Variants in PPP2R1A observed in about 807,000 individuals in gnomAD.
The protein encoded by PPP2R1A is serine/threonine-protein phosphatase 2A 65 kDa regulatory subunit A alpha isoform.
PPP2R1A carries 15 observed loss-of-function variants against 67.1 expected under a neutral mutation model. The ratio of observed to expected loss-of-function variants is 0.22; its 90% CI spans 0.15 to 0.34. PPP2R1A has a LOEUF of 0.34. Ranked by LOEUF, PPP2R1A falls within the 10% of genes least tolerant of loss-of-function variation. The probability of loss-of-function intolerance (pLI) is 1.00; values close to 1 mark genes in which losing one functional copy is unlikely to be tolerated. For synonymous variants in PPP2R1A, 337 were observed against 325.0 expected (o/e 1.04, Z -0.40); for missense variants, 369 against 775.0 (o/e 0.48, Z 6.22).
chr19:52,205,332 C>A (rs1430640452), intron 2 of PPP2R1A, among the ~76,000 whole-genome samples: 1 of 152,112 alleles, frequency 6.6e-6, no homozygotes, highest in African/African-American at 2.4e-5. Context: ...TTTCAGCAAA[C>A]CTGAATTGCT....
At chr19:52,190,208 G>A (rs1369648710) in intron 1 of PPP2R1A, 34 bp downstream of exon 1, 1 of 1,546,778 alleles carries the variant, frequency 6.5e-7, no homozygotes, top group Admixed American at 2.0e-5. Context: ...GGGAAGACGC[G>A]GAGGGGTACC....
rs1024997158 is a variant in PPP2R1A, at chr19:52,212,172, A to G, written c.504-514A>G. 6.6e-5 allele frequency among the ~76,000 whole-genome samples: 10 copies of G among 152,218 alleles called. No individual in the cohort carries two copies. The highest frequency in any genetic ancestry group is 2.4e-4 in the African/African-American group (10 of 41,542). The stretch of plus-strand genomic sequence containing the variant: ...GCAGTCATAGCCCACTGCAGCCTCA[A>G]CCTCCTGGGCTCAAGCATTCCTCCT... On this transcript the variant is annotated intron_variant, in intron 4 of 14. Transcript: ENST00000322088. This position sits in a 1 kb window ranked among gnomAD's most constrained non-coding sequence, Gnocchi z 4.1.
rs575466428 is a variant in PPP2R1A, at chr19:52,216,854, G to A, written c.1128+191G>A. 3.9e-5 allele frequency among the ~76,000 whole-genome samples: 6 copies of A among 152,292 alleles called. No homozygotes were observed. In the East Asian group the frequency reaches 1.2e-3, roughly 30 times the overall value. On this transcript the variant is annotated intron_variant, in intron 9 of 14. Coordinates refer to ENST00000322088, the MANE Select transcript of PPP2R1A (RefSeq NM_014225.6). The surrounding 1 kb of genome is among the most constrained non-coding windows in gnomAD (Gnocchi z 4.3). ...CATTCCTCCAGGCACTCTTCATGAG[G>A]CCTTTCCTGGACATGGAGGATATGA...
chr19:52,215,019 C>T (rs1371096524), intron 6 of PPP2R1A, among the ~76,000 whole-genome samples: 1 of 152,166 alleles, frequency 6.6e-6, no homozygotes, highest in African/African-American at 2.4e-5. Context: ...AGCCACTACG[C>T]CCAGCCCTAG....
Position 52,212,411 on chromosome 19 carries a change from T to C in PPP2R1A, c.504-275T>C, listed in dbSNP as rs1159431381. The C allele has an allele frequency of 2.2e-6, 1 of 450,824 alleles. No individual in the cohort carries two copies. The highest frequency in any genetic ancestry group is 4.0e-6 in the Non-Finnish European group (1 of 251,568). 27.9% of individuals were successfully genotyped at this position (450,824 alleles called of 1,614,324 possible). The stretch of plus-strand genomic sequence containing the variant: ...GTTGGTTAAGCAATTTTTATGGGAA[T>C]GATGTAATCGTCAGCACTTAGCATT... On this transcript the variant is annotated intron_variant, in intron 4 of 14. Coordinates refer to ENST00000322088, the MANE Select transcript of PPP2R1A (RefSeq NM_014225.6). The surrounding 1 kb of genome is among the most constrained non-coding windows in gnomAD (Gnocchi z 4.1).
chr19:52,226,642 T>C lies in PPP2R1A; in HGVS notation c.*661T>C. On this transcript the variant is annotated 3_prime_UTR_variant, in exon 15 of 15. Coordinates refer to ENST00000322088, the MANE Select transcript of PPP2R1A (RefSeq NM_014225.6). ...CTGTAGTGCAGTTCAGATTCATAGA[T>C]GTCGGCCGAGTATTTGGGGGGTTAA... 1 of 180,098 alleles carries C rather than the reference T, an allele frequency of 5.6e-6. No homozygotes were observed. The highest frequency in any genetic ancestry group is 1.2e-5 in the Non-Finnish European group (1 of 84,358). 11.2% of individuals were successfully genotyped at this position (180,098 alleles called of 1,614,324 possible). A position where few individuals can be genotyped will look rare whatever the true frequency, so the allele number is the denominator to read the frequency against.
At chr19:52,194,126 C>T (rs1379997489) in intron 1 of PPP2R1A, among the ~76,000 whole-genome samples, 8 of 134,952 alleles carry the variant, frequency 5.9e-5, no homozygotes, top group African/African-American at 8.2e-5. Context: ...CAAAATAAGA[C>T]AGGTACAGGG....
At chr19:52,215,508 A>G (rs1455215548) in intron 6 of PPP2R1A, among the ~76,000 whole-genome samples, 2 of 152,254 alleles carry the variant, frequency 1.3e-5, no homozygotes, top group Non-Finnish European at 2.9e-5. Flanking sequence ...AGTAGCCTGA[A>G]TAATATGGAA....
intron 13 of PPP2R1A, among the ~76,000 whole-genome samples, chr19:52,224,355 AGT>A (rs1310902648): frequency 6.6e-6 from 1 of 151,920 alleles, no homozygotes; most frequent in Non-Finnish European, 1.5e-5. Flanking sequence ...CATAGATGAG[AGT>A]GGATGCCTCC....
At chr19:52,223,413 T>C (rs1426193555) in intron 13 of PPP2R1A, among the ~76,000 whole-genome samples, 1 of 152,200 alleles carries the variant, frequency 6.6e-6, no homozygotes, top group Non-Finnish European at 1.5e-5. Flanking sequence ...AATGTAACGC[T>C]GTTTCTCAAA....
chr19:52,226,341 T>G lies in PPP2R1A; in HGVS notation c.*360T>G, dbSNP rs80257415. ...CGTCCTCCCCATCATTGGTTTTTTT[T>G]TGTGTGTCAACTGTGCCGTTTTTAT... On this transcript the variant is annotated 3_prime_UTR_variant, in exon 15 of 15. Transcript: ENST00000322088. 7.7e-3 allele frequency: 3,009 copies of G among 391,808 alleles called. 66 individuals are homozygous for G. Among genetic ancestry groups the G allele is most frequent in the African/African-American group, 0.053 (2,608 of 49,026 alleles). 24.3% of individuals were successfully genotyped at this position (391,808 alleles called of 1,614,324 possible).
chr19:52,222,512 GTA>G (rs1225592671), intron 13 of PPP2R1A: 2 of 331,740 alleles, frequency 6.0e-6, no homozygotes, highest in African/African-American at 4.3e-5. Flanking sequence ...TTATATGTAA[GTA>G]TGTGTATAAT....
In PPP2R1A at chr19:52,205,951, T is replaced by C. The variant is rs768335724; in HGVS notation, c.170-12T>C. ...AGATGGGATAGTCACGAAGTCTGTCTTGGTTCCACAGATACCATCTATGAT... is the reference window on the plus strand; with the variant it reads ...AGATGGGATAGTCACGAAGTCTGTCCTGGTTCCACAGATACCATCTATGAT... On this transcript the variant is annotated splice_polypyrimidine_tract_variant and intron_variant, in intron 2 of 14. Transcript: ENST00000322088. 43 of 1,609,976 alleles carry C rather than the reference T, an allele frequency of 2.7e-5. No homozygotes were observed. The highest frequency in any genetic ancestry group is 3.5e-5 in the Non-Finnish European group (41 of 1,176,470).
At chr19:52,201,299 A>G (rs2089545912) in intron 1 of PPP2R1A, 1 of 152,158 alleles carries the variant, frequency 6.6e-6, no homozygotes, top group Non-Finnish European at 1.5e-5. Flanking sequence ...TAGTCATTTT[A>G]TTACAATAAT....
chr19:52,218,897 A>G (rs1978749375), intron 9 of PPP2R1A, among the ~76,000 whole-genome samples: 1 of 152,222 alleles, frequency 6.6e-6, no homozygotes, highest in Non-Finnish European at 1.5e-5. Flanking sequence ...AGCTTCTCTT[A>G]GAAGAAAAGA....
chr19:52,220,320 G>C, intron 11 of PPP2R1A, 71 bp downstream of exon 11: 26 of 1,520,830 alleles, frequency 1.7e-5, no homozygotes, highest in Non-Finnish European at 2.4e-5. Context: ...GGCTGGGGCT[G>C]TGGCGGGCAG....
chr19:52,209,094 T>C (rs1234343798), intron 3 of PPP2R1A, among the ~76,000 whole-genome samples: 1 of 152,344 alleles, frequency 6.6e-6, no homozygotes. Context: ...GTGATTCTGC[T>C]GCAGGGTGGT....
chr19:52,206,898 T>TCGCTAGAGATACAATGTGGCACCA (rs545551476), intron 3 of PPP2R1A, among the ~76,000 whole-genome samples: 242 of 152,278 alleles, frequency 1.6e-3, no homozygotes, highest in African/African-American at 5.3e-3. Flanking sequence ...TATTTCACTG[T>TCGCTAGAGATACAATGTGGCACCA]CGCTAGAGAT....
At position 52,213,201 on chromosome 19, in the gene PPP2R1A, C is replaced by A. The variant is rs186601220; in HGVS notation, c.807+91C>A. 7.1e-7 allele frequency: 1 copy of A among 1,409,242 alleles called. No individual in the cohort carries two copies. 87.3% of individuals were successfully genotyped at this position (1,409,242 alleles called of 1,614,324 possible). A position where few individuals can be genotyped will look rare whatever the true frequency, so the allele number is the denominator to read the frequency against. ...ATAGGAGCTGAGGTTTCCATTAGGCCGATGGAACCATTGGGCGTTTGAGCA... is the reference window on the plus strand; with the variant it reads ...ATAGGAGCTGAGGTTTCCATTAGGCAGATGGAACCATTGGGCGTTTGAGCA... On this transcript the variant is annotated intron_variant, in intron 6 of 14. Transcript: ENST00000322088. The surrounding 1 kb of genome is among the most constrained non-coding windows in gnomAD (Gnocchi z 4.2).
Sources: gnomAD v4.1 joint callset for allele counts (sites outside exome capture counted in the v4.1 genomes callset) on GRCh38, gnomAD v4.1.1 for gene constraint, Gnocchi (gnomAD v3.1) non-coding constraint, MANE v1.5 for transcripts, NCBI Gene and HGNC (gene_info 2026-07-23, HGNC 2026-07-21) for gene names.